Variants in FAM168B observed in about 807,000 individuals in gnomAD.
FAM168B encodes myelin-associated neurite-outgrowth inhibitor.
A neutral mutation model predicts 21.8 loss-of-function variants in FAM168B; 19 were observed. That is an observed-to-expected ratio of 0.87 (90% confidence interval 0.61 to 1.28). The LOEUF is 1.28. FAM168B is among the 50% of genes most tolerant of loss of function. FAM168B has a pLI of 0.00. For synonymous variants in FAM168B, 126 were observed against 104.8 expected (o/e 1.20, Z -1.24); for missense variants, 233 against 263.1 (o/e 0.89, Z 0.79).
In FAM168B at chr2:131,056,685, C is replaced by T. The variant is rs563128961; in HGVS notation, c.155-990G>A. Among the ~76,000 whole-genome samples the T allele has an allele frequency of 2.0e-5, 3 of 152,252 alleles. No individual in the cohort carries two copies. In the East Asian group the frequency reaches 5.8e-4, roughly 29 times the overall value. Reference sequence around the variant, plus strand: ...AGCTGGCAATGGCCCAGATGCCCACCAGGAGACAAATGGGTAAACACACTG... The same window carrying T: ...AGCTGGCAATGGCCCAGATGCCCACTAGGAGACAAATGGGTAAACACACTG... On this transcript the variant is annotated intron_variant, in intron 3 of 6. Transcript: ENST00000389915.
chr2:131,077,394 T>C (rs1446901743), intron 2 of FAM168B, among the ~76,000 whole-genome samples: 3 of 152,136 alleles, frequency 2.0e-5, no homozygotes, highest in African/African-American at 4.8e-5. Context: ...GTGCCTCATG[T>C]CGGCCTCCAA....
At chr2:131,076,853 T>C (rs1046678399) in intron 2 of FAM168B, among the ~76,000 whole-genome samples, 3 of 142,240 alleles carry the variant, frequency 2.1e-5, no homozygotes, top group South Asian at 2.2e-4. Context: ...CTCAAATCAA[T>C]AGACACAGAT....
chr2:131,071,176 T>C (rs990061597), intron 3 of FAM168B, among the ~76,000 whole-genome samples: 3 of 152,194 alleles, frequency 2.0e-5, no homozygotes, highest in Non-Finnish European at 4.4e-5. Flanking sequence ...CAAAGTTAAC[T>C]GTGTGAAGCT....
At chr2:131,092,722 G>A (rs1176195168) in intron 1 of FAM168B, among the ~76,000 whole-genome samples, 1 of 151,982 alleles carries the variant, frequency 6.6e-6, no homozygotes, top group East Asian at 1.9e-4. Flanking sequence ...GCCACGAAAC[G>A]TCCTTTCTGA....
At position 131,050,145 on chromosome 2, in the gene FAM168B, A is replaced by G. The variant is rs112954822; in HGVS notation, c.*2320T>C. 3.0e-6 allele frequency: 3 copies of G among 985,440 alleles called. No homozygotes were observed. The highest frequency in any genetic ancestry group is 1.2e-6 in the Non-Finnish European group (1 of 829,938). 61.0% of individuals were successfully genotyped at this position (985,440 alleles called of 1,614,324 possible). On this transcript the variant is annotated 3_prime_UTR_variant, in exon 7 of 7. Coordinates refer to ENST00000389915, the MANE Select transcript of FAM168B (RefSeq NM_001009993.4). ...AAATGGCGTGTGGGGGGTGCAGCCC[A>G]CTCTTTAAAACACCATCCTGTGTGT...
In FAM168B at chr2:131,071,841, C is replaced by T. The variant is rs566214364; in HGVS notation, c.154+14G>A. 3.7e-6 allele frequency: 6 copies of T among 1,612,798 alleles called. No individual in the cohort carries two copies. In the African/African-American group the frequency reaches 8.0e-5, roughly 22 times the overall value. The stretch of plus-strand genomic sequence containing the variant: ...CAGCTGTACGTACAAAGCATTTTAC[C>T]ACCCAGCACATACCTGTTTGGAAGG... On this transcript the variant is annotated intron_variant, in intron 3 of 6. Transcript: ENST00000389915.
chr2:131,084,730 C>T (rs1190354360), intron 1 of FAM168B, among the ~76,000 whole-genome samples: 1 of 152,104 alleles, frequency 6.6e-6, no homozygotes, highest in Non-Finnish European at 1.5e-5. Context: ...TCCTCTGAAT[C>T]TTATCCAGGG....
At chr2:131,092,240 G>A (rs1694071794) in intron 1 of FAM168B, among the ~76,000 whole-genome samples, 2 of 151,788 alleles carry the variant, frequency 1.3e-5, no homozygotes, top group African/African-American at 2.4e-5. Context: ...CTCCACCAAA[G>A]TAAGCCTGCT....
rs1210277039 is a variant in FAM168B at position 131,093,428 on chromosome 2, C to A, written c.-226G>T. 6.6e-6 allele frequency: 1 copy of A among 151,368 alleles called. No individual in the cohort carries two copies. The highest frequency in any genetic ancestry group is 2.0e-4 in the South Asian group (1 of 4,916). The allele number at this position is 151,368 out of a possible 1,614,324, so 9.4% of individuals were successfully genotyped here. On this transcript the variant is annotated 5_prime_UTR_variant, in exon 1 of 7. Transcript: ENST00000389915. ...CCGCCTCTCCGCAGCCCGCGCTCCC[C>A]GCCGACGCTGCGCAGCCACCGGAGC...
Position 131,082,675 on chromosome 2 carries a change from G to T in FAM168B, c.-11-18C>A. 6.5e-7 allele frequency: 1 copy of T among 1,545,884 alleles called. No individual in the cohort carries two copies. Among genetic ancestry groups the T allele is most frequent in the South Asian group, 1.2e-5 (1 of 82,978 alleles). On this transcript the variant is annotated intron_variant, in intron 1 of 6. Coordinates refer to ENST00000389915, the MANE Select transcript of FAM168B (RefSeq NM_001009993.4). The stretch of plus-strand genomic sequence containing the variant: ...TTCAAAAACTAAAAGAAAAAAAAGG[G>T]AATTTAGCCAAGCACTTTTGCTCTC...
intron 1 of FAM168B, among the ~76,000 whole-genome samples, chr2:131,091,473 C>T (rs930018974): frequency 4.0e-5 from 6 of 151,616 alleles, no homozygotes; most frequent in Non-Finnish European, 8.8e-5. Flanking sequence ...TGGTAAAACC[C>T]CGTCTCTACT....
chr2:131,089,653 G>C (rs1376381123), intron 1 of FAM168B, among the ~76,000 whole-genome samples: 1 of 151,054 alleles, frequency 6.6e-6, no homozygotes, highest in Non-Finnish European at 1.5e-5. Flanking sequence ...GGAAGGCGGA[G>C]CTTGCAATGA....
intron 2 of FAM168B, among the ~76,000 whole-genome samples, chr2:131,079,989 C>T (rs1693353209): frequency 6.6e-6 from 1 of 151,772 alleles, no homozygotes; most frequent in East Asian, 1.9e-4. Flanking sequence ...TGGTGGCAGG[C>T]GCCTGTAATC....
intron 3 of FAM168B, among the ~76,000 whole-genome samples, chr2:131,071,316 G>A (rs1158254021): frequency 6.6e-6 from 1 of 152,058 alleles, no homozygotes. Context: ...AGTCCAAAAG[G>A]AACCAACACC....
intron 3 of FAM168B, among the ~76,000 whole-genome samples, chr2:131,067,315 T>C (rs1309007183): frequency 6.6e-6 from 1 of 152,198 alleles, no homozygotes; most frequent in Non-Finnish European, 1.5e-5. Context: ...GGAATCCTCT[T>C]ATATCACAAT....
chr2:131,087,851 T>C (rs748290022), intron 1 of FAM168B, among the ~76,000 whole-genome samples: 4 of 152,232 alleles, frequency 2.6e-5, no homozygotes, highest in Admixed American at 2.0e-4. Context: ...AACAGCATTA[T>C]TCCTAACAGC....
At chr2:131,075,247 A>AT (rs201892642) in intron 2 of FAM168B, among the ~76,000 whole-genome samples, 9 of 149,306 alleles carry the variant, frequency 6.0e-5, no homozygotes, top group African/African-American at 1.5e-4. Flanking sequence ...AACCAGCAAG[A>AT]TTTTTTTTTC....
rs1298090503 is a variant in FAM168B at position 131,051,051 on chromosome 2, T to G, written c.*1414A>C. On this transcript the variant is annotated 3_prime_UTR_variant, in exon 7 of 7. Coordinates refer to ENST00000389915, the MANE Select transcript of FAM168B (RefSeq NM_001009993.4). ...ACAAGATTCAGATCCTAAACTCAAA[T>G]TCCTCTCCCACAATAAACCCTGCCA... The G allele has an allele frequency of 2.0e-6, 2 of 985,280 alleles. No individual in the cohort carries two copies. The highest frequency in any genetic ancestry group is 3.5e-5 in the African/African-American group (2 of 57,208). The allele number at this position is 985,280 out of a possible 1,614,324, so 61.0% of individuals were successfully genotyped here.
intron 2 of FAM168B, 49 bp downstream of exon 2, chr2:131,082,528 T>C (rs2105570206): frequency 7.9e-7 from 1 of 1,265,440 alleles, no homozygotes; most frequent in South Asian, 1.3e-5. Context: ...CATGAAAATA[T>C]ACCAAGTATT....
Sources: gnomAD v4.1 joint callset for allele counts (sites outside exome capture counted in the v4.1 genomes callset) on GRCh38, gnomAD v4.1.1 for gene constraint, MANE v1.5 for transcripts, NCBI Gene and HGNC (gene_info 2026-07-23, HGNC 2026-07-21) for gene names.